Variants in KANK1 observed in about 807,000 individuals in gnomAD.
The protein encoded by KANK1 is KN motif and ankyrin repeat domains 1, also known as KN motif and ankyrin repeat domain-containing protein 1.
In KANK1, 109 loss-of-function variants were observed where a neutral mutation model predicts 106.2. That is an observed-to-expected ratio of 1.03 (90% CI 0.88 to 1.20). KANK1 has a LOEUF of 1.20. Ranked by LOEUF, KANK1 falls within the 50% of genes most tolerant of loss-of-function variation. The pLI, the probability that KANK1 is intolerant of heterozygous loss-of-function variation, is 0.00. For missense variants in KANK1, 2,399 were observed against 1,710.7 expected, an observed-to-expected ratio of 1.40 and a Z score of -7.10; for synonymous variants, 873 against 652.2, an observed-to-expected ratio of 1.34 and a Z score of -5.16.
intron 3 of KANK1, among the ~76,000 whole-genome samples, chr9:483,408 A>G (rs896275867): frequency 2.6e-5 from 4 of 152,182 alleles, no homozygotes; most frequent in African/African-American, 9.6e-5. Context: ...ATGCTAGAGG[A>G]GCTTCCCAGA....
intron 1 of KANK1, among the ~76,000 whole-genome samples, chr9:537,690 T>C (rs2060375515): frequency 6.6e-6 from 1 of 152,116 alleles, no homozygotes; most frequent in Admixed American, 6.5e-5. Flanking sequence ...GGGAGATCGA[T>C]TTTTGCCCCC....
intron 1 of KANK1, among the ~76,000 whole-genome samples, chr9:514,151 T>C (rs958432038): frequency 0.1 from 2,783 of 27,724 alleles, 147 homozygotes; most frequent in African/African-American, 0.34. Flanking sequence ...TCCCTTCCTC[T>C]CTCCCTCCCT....
At chr9:616,147 A>G (rs1339166382) in intron 1 of KANK1, among the ~76,000 whole-genome samples, 3 of 152,202 alleles carry the variant, frequency 2.0e-5, no homozygotes, top group Non-Finnish European at 4.4e-5. Context: ...TCAATCAACA[A>G]GATGAAATTT....
chr9:643,756 G>C (rs889222735), intron 1 of KANK1, among the ~76,000 whole-genome samples: 3 of 150,174 alleles, frequency 2.0e-5, no homozygotes, highest in Admixed American at 2.0e-4. Flanking sequence ...AGGCTGGAGT[G>C]CAGTGGGATG....
intron 3 of KANK1, among the ~76,000 whole-genome samples, chr9:726,573 A>G (rs1036656205): frequency 6.6e-6 from 1 of 151,916 alleles, no homozygotes; most frequent in African/African-American, 2.4e-5. Flanking sequence ...GGGAAGGCGC[A>G]GGTTGCAGTG....
At chr9:625,978 CT>C (rs1478602725) in intron 1 of KANK1, among the ~76,000 whole-genome samples, 1 of 152,120 alleles carries the variant, frequency 6.6e-6, no homozygotes, top group Non-Finnish European at 1.5e-5. Flanking sequence ...CTCCATTCAA[CT>C]TTCTGGACCT....
intron 3 of KANK1, among the ~76,000 whole-genome samples, chr9:487,402 G>A (rs1448807724): frequency 6.6e-6 from 1 of 152,176 alleles, no homozygotes; most frequent in South Asian, 2.1e-4. Context: ...TGTTCTGAGC[G>A]ATTTAAGGTA....
intron 8 of KANK1, among the ~76,000 whole-genome samples, chr9:739,226 C>A (rs1834664526): frequency 6.6e-6 from 1 of 152,198 alleles, no homozygotes; most frequent in South Asian, 2.1e-4. Context: ...CCTGATGCCA[C>A]ATAGACCCCA....
rs780718420 is a variant in KANK1, at chr9:711,836, T to A, written c.1070T>A (p.Val357Glu). The A allele has an allele frequency of 1.2e-6, 2 of 1,613,806 alleles. No individual in the cohort carries two copies. Among genetic ancestry groups the A allele is most frequent in the Middle Eastern group, 1.6e-4 (1 of 6,084 alleles). ...TATGAGGAGGAAGAAATGGAGACCG[T>A]AGAACAGAGCACGCAGAGGATAAAG... is the stretch of plus-strand genomic sequence containing the variant. ...IDYEEEEMET[V>E]EQSTQRIKEF... Residue 357 changes from valine to glutamate, a missense_variant, in exon 3 of 12, where the codon GTA becomes GAA. Transcript: ENST00000382297.
chr9:528,469 CTTTTTTTTTT>C (rs36072780), intron 1 of KANK1, among the ~76,000 whole-genome samples: 50 of 85,122 alleles, frequency 5.9e-4, no homozygotes, highest in East Asian at 9.3e-4. Flanking sequence ...TAAAAAATAA[CTTTTTTTTTT>C]TTTTTTTTTT....
At chr9:475,030 T>C (rs2058080170) in intron 3 of KANK1, among the ~76,000 whole-genome samples, 1 of 151,980 alleles carries the variant, frequency 6.6e-6, no homozygotes, top group Non-Finnish European at 1.5e-5. Flanking sequence ...ACACCGTCTC[T>C]CTCAAATAAT....
intron 2 of KANK1, chr9:680,925 C>T (rs1300492593): frequency 2.0e-5 from 3 of 152,158 alleles, no homozygotes; most frequent in African/African-American, 4.8e-5. Flanking sequence ...TAATTCAAAA[C>T]ATTTTAGGCC....
intron 1 of KANK1, among the ~76,000 whole-genome samples, chr9:656,398 A>G (rs1588628353): frequency 6.6e-6 from 1 of 152,172 alleles, no homozygotes; most frequent in Non-Finnish European, 1.5e-5. Flanking sequence ...ATTAGAGGCT[A>G]TGAAAGTGTC....
chr9:507,841 C>A (rs558134868), intron 1 of KANK1, among the ~76,000 whole-genome samples: 1 of 151,848 alleles, frequency 6.6e-6, no homozygotes, highest in African/African-American at 2.4e-5. Context: ...CAGGTGTGAG[C>A]CACCATGCCA....
At chr9:631,807 T>C (rs1482823046) in intron 1 of KANK1, among the ~76,000 whole-genome samples, 1 of 152,238 alleles carries the variant, frequency 6.6e-6, no homozygotes, top group Admixed American at 6.5e-5. Context: ...CTTTGAAGAC[T>C]GTACTTCCTC....
At chr9:635,911 G>A (rs747456058) in intron 1 of KANK1, among the ~76,000 whole-genome samples, 7 of 151,914 alleles carry the variant, frequency 4.6e-5, no homozygotes, top group Non-Finnish European at 1.0e-4. Flanking sequence ...CTGGCCTCAG[G>A]TGATCCACCT....
intron 1 of KANK1, among the ~76,000 whole-genome samples, chr9:629,358 GC>G (rs1439079343): frequency 1.3e-5 from 2 of 152,044 alleles, no homozygotes; most frequent in Non-Finnish European, 2.9e-5. Flanking sequence ...TCTTCCCCCA[GC>G]CACAGTGGCA....
At chr9:575,761 C>T (rs1820388195) in intron 1 of KANK1, among the ~76,000 whole-genome samples, 1 of 152,200 alleles carries the variant, frequency 6.6e-6, no homozygotes, top group South Asian at 2.1e-4. Context: ...GTGGCTCATG[C>T]CTGTAATCCC....
At chr9:485,951 A>T (rs1245541151) in intron 3 of KANK1, among the ~76,000 whole-genome samples, 3 of 151,924 alleles carry the variant, frequency 2.0e-5, no homozygotes, top group Non-Finnish European at 4.4e-5. Context: ...TGAGGCTCTG[A>T]TCAAGCTGAA....
Sources: allele counts gnomAD v4.1 joint callset (sites outside exome capture counted in the v4.1 genomes callset), GRCh38; gene constraint gnomAD v4.1.1; transcripts MANE v1.5; gene names NCBI Gene and HGNC (gene_info 2026-07-23, HGNC 2026-07-21).